The following PRKCZ variants were observed in gnomAD, a reference collection of about 807,000 sequenced individuals.
The protein encoded by PRKCZ is protein kinase C zeta.
PRKCZ carries 33 observed loss-of-function variants against 79.5 expected under a neutral mutation model. That is an observed-to-expected ratio of 0.41 (90% CI 0.31 to 0.55). PRKCZ has a LOEUF of 0.55. PRKCZ is among the 20% of genes least tolerant of loss of function. The pLI is 0.19. For missense variants in PRKCZ, 578 were observed against 813.5 expected (o/e 0.71, Z 3.52); for synonymous variants, 342 against 320.9 (o/e 1.07, Z -0.70).
intron 4 of PRKCZ, chr1:2,073,964 C>G (rs566388276): frequency 1.4e-6 from 2 of 1,380,834 alleles, no homozygotes; most frequent in Non-Finnish European, 1.9e-6. Flanking sequence ...GGATTTTCCG[C>G]GCCCCCGGGG....
At chr1:2,119,277 C>T (rs552896863) in intron 4 of PRKCZ, among the ~76,000 whole-genome samples, 22 of 145,098 alleles carry the variant, frequency 1.5e-4, no homozygotes, top group Admixed American at 1.2e-3. Flanking sequence ...TGCAAGGGCG[C>T]GATTTTGGCT....
rs937722498 is a variant in PRKCZ, at chr1:2,094,403, G to A, written c.334+34812G>A. Among the ~76,000 whole-genome samples the A allele has an allele frequency of 2.1e-4, 32 of 151,848 alleles. No homozygotes were observed. Among genetic ancestry groups the A allele is most frequent in the Non-Finnish European group, 4.4e-4 (30 of 67,938 alleles). On this transcript the variant is annotated intron_variant, in intron 4 of 17. Coordinates refer to ENST00000378567, the MANE Select transcript of PRKCZ (RefSeq NM_002744.6). The surrounding 1 kb of genome is among the most constrained non-coding windows in gnomAD (Gnocchi z 7.3). ...CTGCCCATTCTGAGGCGCCCGCTGT[G>A]CCCGGCTCGTTGAACCTTGGGCGCT...
intron 4 of PRKCZ, chr1:2,104,743 G>A: frequency 2.0e-6 from 2 of 985,758 alleles, no homozygotes; most frequent in Non-Finnish European, 2.4e-6. Context: ...CAGACAGGCA[G>A]GACGCAGCGG....
chr1:2,083,696 A>G (rs971328377), intron 4 of PRKCZ, among the ~76,000 whole-genome samples: 6 of 151,990 alleles, frequency 3.9e-5, no homozygotes, highest in African/African-American at 1.5e-4. Flanking sequence ...CCAGTGTGTC[A>G]GGAGGCTTGG....
chr1:2,135,853 T>C (rs1220193347), intron 5 of PRKCZ, among the ~76,000 whole-genome samples: 1 of 152,232 alleles, frequency 6.6e-6, no homozygotes, highest in Non-Finnish European at 1.5e-5. Context: ...TTTCCTTGTT[T>C]CTCTTTATGA....
At chr1:2,151,272 C>T (rs960414320) in intron 9 of PRKCZ, among the ~76,000 whole-genome samples, 1 of 152,266 alleles carries the variant, frequency 6.6e-6, no homozygotes, top group East Asian at 1.9e-4. Flanking sequence ...GCTGCAAGCC[C>T]GTACGGCTGT....
In PRKCZ at chr1:2,094,530, C is replaced by T. The variant is rs987261191; in HGVS notation, c.334+34939C>T. ...GGCTCGTTGAACCTTGGGCGCTGCC[C>T]GTTCTGAGGCGCCCTCTGTGCCCGG... On this transcript the variant is annotated intron_variant, in intron 4 of 17. Transcript: ENST00000378567. The surrounding 1 kb of genome is among the most constrained non-coding windows in gnomAD (Gnocchi z 7.3). 1.1e-3 allele frequency among the ~76,000 whole-genome samples: 146 copies of T among 136,960 alleles called. No individual in the cohort carries two copies. The highest frequency in any genetic ancestry group is 3.7e-3 in the Middle Eastern group (1 of 268). The allele number at this position is 136,960 out of a possible 152,430, so 89.9% of individuals were successfully genotyped here. A position where few individuals can be genotyped will look rare whatever the true frequency, so the allele number is the denominator to read the frequency against.
chr1:2,110,540 C>T (rs1411634002), intron 4 of PRKCZ, among the ~76,000 whole-genome samples: 4 of 152,122 alleles, frequency 2.6e-5, no homozygotes, highest in South Asian at 2.1e-4. Flanking sequence ...CCACTGGGCC[C>T]GAAGAGGGAA....
intron 5 of PRKCZ, among the ~76,000 whole-genome samples, chr1:2,137,477 A>G (rs1676450854): frequency 6.6e-6 from 1 of 152,214 alleles, no homozygotes; most frequent in Admixed American, 6.5e-5. Flanking sequence ...GACCCATTAC[A>G]GTGCCGCAGG....
At position 2,050,670 on chromosome 1, in the gene PRKCZ, G is replaced by A. The variant is rs1038674966; in HGVS notation, c.40G>A (p.Gly14Ser). The change falls in exon 1 of 18, where the codon GGC (glycine) becomes AGC (serine). Residue 14 changes from glycine (G) to serine (S), a missense_variant. Around this residue, in one of 4 missense-constraint regions of PRKCZ, gnomAD observed 228 missense variants for 211.6 expected, o/e 1.08. Transcript: ENST00000378567. The part of the protein sequence containing the change: ...RTGPKMEGSG[G>S]RVRLKAHYGG... ...CGGCCCCAAGATGGAAGGGAGCGGC[G>A]GCCGCGTCCGCCTCAAGGCGCATTA... is the stretch of plus-strand genomic sequence containing the variant. 19 of 1,227,564 alleles carry A rather than the reference G, an allele frequency of 1.5e-5. No individual in the cohort carries two copies. The highest frequency in any genetic ancestry group is 1.4e-4 in the African/African-American group (9 of 64,148). 76.0% of individuals were successfully genotyped at this position (1,227,564 alleles called of 1,614,324 possible).
In PRKCZ at chr1:2,157,740, A is replaced by G. The variant is rs184126913; in HGVS notation, c.974+1648A>G. Among the ~76,000 whole-genome samples, 598 of 146,868 alleles carry G rather than the reference A, an allele frequency of 4.1e-3. 4 individuals carry two copies. The highest frequency in any genetic ancestry group is 6.9e-3 in the Middle Eastern group (2 of 290). ...TTTTTTTTTTTTTTTTTAAATAAAG[A>G]TAGGGTCTTGCTCTGTCGCCCCAGG... On this transcript the variant is annotated intron_variant, in intron 10 of 17. Transcript: ENST00000378567.
intron 4 of PRKCZ, among the ~76,000 whole-genome samples, chr1:2,124,325 AG>A (rs1275977206): frequency 3.7e-5 from 3 of 81,240 alleles, no homozygotes; most frequent in African/African-American, 1.7e-4. Context: ...GGTGGTGGTT[AG>A]GGTCACGGTG....
At chr1:2,147,751 C>G (rs552113) in intron 7 of PRKCZ, among the ~76,000 whole-genome samples, 1 of 98,422 alleles carries the variant, frequency 1.0e-5, no homozygotes, top group Non-Finnish European at 2.0e-5. Context: ...TATCCATCCA[C>G]TGTCCACTGA....
At chr1:2,144,364 C>T in intron 6 of PRKCZ, 23 bp downstream of exon 6, 4 of 1,558,650 alleles carry the variant, frequency 2.6e-6, no homozygotes, top group Non-Finnish European at 2.6e-6. Context: ...GCTGGGGAGG[C>T]CCGGGGGGCA....
intron 4 of PRKCZ, among the ~76,000 whole-genome samples, chr1:2,134,654 C>T (rs975081491): frequency 1.3e-4 from 20 of 152,182 alleles, no homozygotes. Flanking sequence ...CGGTTTGGCT[C>T]TCCTGCCCTG....
intron 4 of PRKCZ, among the ~76,000 whole-genome samples, chr1:2,084,201 C>T (rs2102415532): frequency 6.6e-6 from 1 of 152,322 alleles, no homozygotes; most frequent in East Asian, 1.9e-4. Flanking sequence ...GATTGCACCA[C>T]TGCACTCCAG....
chr1:2,111,343 G>T (rs562637259), intron 4 of PRKCZ, among the ~76,000 whole-genome samples: 1 of 152,148 alleles, frequency 6.6e-6, no homozygotes, highest in Non-Finnish European at 1.5e-5. Flanking sequence ...GGTTGACAGG[G>T]ACAGGCGGGG....
At chr1:2,061,152 C>A (rs181871825) in intron 4 of PRKCZ, among the ~76,000 whole-genome samples, 2 of 152,302 alleles carry the variant, frequency 1.3e-5, no homozygotes, top group East Asian at 3.9e-4. Context: ...GGACTGTGCT[C>A]CTCTGTCCCA....
chr1:2,096,684 C>T (rs577924062), intron 4 of PRKCZ, among the ~76,000 whole-genome samples: 19 of 152,156 alleles, frequency 1.2e-4, no homozygotes, highest in African/African-American at 1.7e-4. Flanking sequence ...TGCAGCAAGG[C>T]GGTGAATGTG....
Sources: gnomAD v4.1 joint callset for allele counts (sites outside exome capture counted in the v4.1 genomes callset) on GRCh38, gnomAD v4.1.1 for gene constraint, gnomAD v4.1.1 regional missense constraint, Gnocchi (gnomAD v3.1) non-coding constraint, MANE v1.5 for transcripts, NCBI Gene and HGNC (gene_info 2026-07-23, HGNC 2026-07-21) for gene names.